DLG5: variants seen among roughly 807,000 people sequenced by gnomAD.
The protein encoded by DLG5 is discs large MAGUK scaffold protein 5.
In DLG5, 48 loss-of-function variants were observed where a neutral mutation model predicts 189.8. The observed-to-expected ratio is 0.25, with a 90% CI of 0.20 to 0.32. The LOEUF is 0.32. Ranked by LOEUF, DLG5 falls within the 10% of genes least tolerant of loss-of-function variation. DLG5 has a pLI of 1.00. For missense variants in DLG5, 2,160 were observed against 2,544.7 expected (o/e 0.85, Z 3.25); for synonymous variants, 1,016 against 1,054.1 (o/e 0.96, Z 0.70).
chr10:77,842,325 TC>T, intron 6 of DLG5, 132 bp from the exon 7 acceptor site: 1 of 1,126,680 alleles, frequency 8.9e-7, no homozygotes, highest in Non-Finnish European at 1.2e-6. Context: ...AGTCACTCTC[TC>T]CACCCCCAGG....
chr10:77,861,411 A>C (rs1409838621), intron 2 of DLG5, among the ~76,000 whole-genome samples: 1 of 152,224 alleles, frequency 6.6e-6, no homozygotes, highest in Admixed American at 6.5e-5. Flanking sequence ...TCCCCATTGT[A>C]TAAACGAGGC....
chr10:77,841,608 G>A (rs1436570613), intron 7 of DLG5, among the ~76,000 whole-genome samples: 4 of 152,282 alleles, frequency 2.6e-5, no homozygotes, highest in Non-Finnish European at 5.9e-5. Context: ...CGTAGCAATG[G>A]GTTTGGGTGT....
intron 26 of DLG5, 108 bp from the exon 27 acceptor site, chr10:77,805,969 C>T (rs1194021632): frequency 1.8e-6 from 2 of 1,095,746 alleles, no homozygotes; most frequent in East Asian, 2.4e-5. Flanking sequence ...CTGGGCTCCC[C>T]CCACACTCCT....
At chr10:77,857,148 C>T (rs1375846814) in intron 2 of DLG5, among the ~76,000 whole-genome samples, 9 of 152,118 alleles carry the variant, frequency 5.9e-5, no homozygotes, top group Non-Finnish European at 1.0e-4. Context: ...ACCCTGAAGA[C>T]GCGCACTCTC....
intron 27 of DLG5, among the ~76,000 whole-genome samples, chr10:77,799,499 C>A (rs377384875): frequency 1.1e-4 from 16 of 152,284 alleles, no homozygotes; most frequent in African/African-American, 3.6e-4. Flanking sequence ...GGATGACAGC[C>A]CTCACCAGAA....
chr10:77,825,364 CCACACACAACCACACACACACA>C (rs1217952180), intron 13 of DLG5, among the ~76,000 whole-genome samples: 153 of 82,524 alleles, frequency 1.9e-3, no homozygotes, highest in African/African-American at 6.9e-3. Flanking sequence ...ATGTGTTTAA[CCACACACAACCACACACACACA>C]CACACACACA....
chr10:77,812,469 T>C, intron 20 of DLG5, 92 bp from the exon 21 acceptor site: 4 of 1,444,230 alleles, frequency 2.8e-6, no homozygotes. Flanking sequence ...GATCTGACAG[T>C]GCAGAAAGGG....
intron 16 of DLG5, 36 bp downstream of exon 16, chr10:77,819,859 C>G (rs772742809): frequency 6.6e-7 from 1 of 1,519,222 alleles, no homozygotes; most frequent in East Asian, 2.3e-5. Context: ...GAGTTTACAC[C>G]GACCCTCAGC....
At chr10:77,939,375 AAG>A in the DLG5 span, among the ~76,000 whole-genome samples, 4 of 152,114 alleles carry the variant, frequency 2.6e-5, no homozygotes, top group African/African-American at 9.7e-5. Context: ...GAATGCCCCG[AAG>A]CCAGAAACAG....
At chr10:77,835,398 G>C (rs180854767) in intron 8 of DLG5, among the ~76,000 whole-genome samples, 2 of 152,134 alleles carry the variant, frequency 1.3e-5, no homozygotes, top group Non-Finnish European at 2.9e-5. Context: ...GTAGGCGCCC[G>C]GTGAATACTG....
intron 1 of DLG5, among the ~76,000 whole-genome samples, chr10:77,886,231 G>A (rs1303796491): frequency 6.6e-6 from 1 of 152,124 alleles, no homozygotes; most frequent in Non-Finnish European, 1.5e-5. Context: ...CTGGTGAGTG[G>A]CTCAGTTGGG....
chr10:77,877,539 C>T (rs929391587), intron 1 of DLG5, among the ~76,000 whole-genome samples: 1 of 152,082 alleles, frequency 6.6e-6, no homozygotes, highest in African/African-American at 2.4e-5. Context: ...TTCAGAGCTG[C>T]CGGGCTGCAG....
rs187660667 is a variant in DLG5 at position 77,891,159 on chromosome 10, C to T, written c.305-21962G>A. Among the ~76,000 whole-genome samples, 229 of 152,278 alleles carry T rather than the reference C, an allele frequency of 1.5e-3. 2 individuals are homozygous for T. Among genetic ancestry groups the T allele is most frequent in the African/African-American group, 5.4e-3 (224 of 41,564 alleles). The stretch of plus-strand genomic sequence containing the variant: ...CCCCTATCTCCCTATGCATGCCTCC[C>T]TATGGTTCTAGCTGATGTCTACTAG... On this transcript the variant is annotated intron_variant, in intron 1 of 31. Transcript: ENST00000372391.
chr10:77,822,203 GC>G, intron 14 of DLG5, 102 bp from the exon 15 acceptor site: 1 of 1,319,340 alleles, frequency 7.6e-7, no homozygotes, highest in South Asian at 1.4e-5. Flanking sequence ...TCAGGAATGG[GC>G]CACCTGCCCC....
chr10:77,902,243 T>C (rs1362464488), intron 1 of DLG5, among the ~76,000 whole-genome samples: 1 of 151,998 alleles, frequency 6.6e-6, no homozygotes, highest in Non-Finnish European at 1.5e-5. Flanking sequence ...GGCCAAGGGG[T>C]TTAATCTTTC....
At chr10:77,867,671 T>C (rs1844737650) in intron 2 of DLG5, among the ~76,000 whole-genome samples, 2 of 152,224 alleles carry the variant, frequency 1.3e-5, no homozygotes, top group Non-Finnish European at 2.9e-5. Context: ...ATGGGTGGAG[T>C]TGTGGCCCCC....
intron 1 of DLG5, 107 bp from the exon 2 acceptor site, chr10:77,869,304 A>G: frequency 3.8e-6 from 4 of 1,043,100 alleles, no homozygotes; most frequent in Non-Finnish European, 5.8e-6. Context: ...TACATGCACC[A>G]GGCACTAGAA....
intron 1 of DLG5, among the ~76,000 whole-genome samples, chr10:77,903,203 G>A (rs556769260): frequency 7.2e-5 from 11 of 152,252 alleles, no homozygotes; most frequent in South Asian, 4.1e-4. Context: ...CGAGGCAGGC[G>A]GATTGCTTGA....
intron 10 of DLG5, 85 bp downstream of exon 10, chr10:77,830,656 T>C: frequency 6.4e-7 from 1 of 1,553,652 alleles, no homozygotes; most frequent in Non-Finnish European, 8.7e-7. Flanking sequence ...CTTGGAGTGG[T>C]GAAACTGGGA....
Sources: gnomAD v4.1 joint callset for allele counts (sites outside exome capture counted in the v4.1 genomes callset) on GRCh38, gnomAD v4.1.1 for gene constraint, MANE v1.5 for transcripts, NCBI Gene and HGNC (gene_info 2026-07-23, HGNC 2026-07-21) for gene names.